The following ALG9 variants were observed in gnomAD, a reference collection of about 807,000 sequenced individuals.
ALG9 encodes the protein ALG9 alpha-1,2-mannosyltransferase, also known as alpha-1,2-mannosyltransferase ALG9.
ALG9 carries 55 observed loss-of-function variants against 81.8 expected under a neutral mutation model. The observed-to-expected ratio is 0.67, with a 90% CI of 0.54 to 0.84. ALG9 has a LOEUF of 0.84. Ranked by LOEUF, ALG9 falls within the 40% of genes least tolerant of loss-of-function variation. ALG9 has a pLI of 0.00. For missense variants in ALG9, 629 were observed against 745.0 expected, an observed-to-expected ratio of 0.84 and a Z score of 1.81; for synonymous variants, 278 against 274.3, an observed-to-expected ratio of 1.01 and a Z score of -0.13.
Position 111,838,155 on chromosome 11 carries a change from A to G in ALG9, c.1324+94T>C, listed in dbSNP as rs528370962. On this transcript the variant is annotated intron_variant, in intron 11 of 14. Coordinates refer to ENST00000616540, the MANE Select transcript of ALG9 (RefSeq NM_024740.2). ...CTCTTTTTAGAAATGGCTTCTTAGT[A>G]TAAGCCAAATATGTATTATATAATC... 6.7e-4 allele frequency: 1,010 copies of G among 1,498,476 alleles called. 1 individual carries two copies. Among genetic ancestry groups the G allele is most frequent in the Non-Finnish European group, 8.3e-4 (900 of 1,086,876 alleles). The allele number at this position is 1,498,476 out of a possible 1,614,324, so 92.8% of individuals were successfully genotyped here.
rs375782861 is a variant in ALG9, at chr11:111,792,346, TGGAA to T, written c.1734-5830_1734-5827del. Among the ~76,000 whole-genome samples the T allele has an allele frequency of 7.5e-3, 1,142 of 152,304 alleles. 18 individuals are homozygous for T. The highest frequency in any genetic ancestry group is 0.026 in the African/African-American group (1,091 of 41,554). ...TGCTGAAAAACAAATGTTGGATGGA[TGGAA>T]GGAAGGATGAATGGATGGACTGCTG... On this transcript the variant is annotated intron_variant, in intron 14 of 14. Coordinates refer to ENST00000616540, the MANE Select transcript of ALG9 (RefSeq NM_024740.2).
chr11:111,809,780 T>C lies in ALG9; in HGVS notation c.1603-7A>G, dbSNP rs1950442491. The C allele has an allele frequency of 1.2e-6, 2 of 1,613,870 alleles. No homozygotes were observed. The highest frequency in any genetic ancestry group is 1.7e-6 in the Non-Finnish European group (2 of 1,179,832). On this transcript the variant is annotated splice_polypyrimidine_tract_variant and splice_region_variant and intron_variant, in intron 13 of 14. Coordinates refer to ENST00000616540, the MANE Select transcript of ALG9 (RefSeq NM_024740.2). ...GGCATTTACTGATATCAATCTGAAA[T>C]GGAGAAAGGCCAACTCTTCATTAGT...
chr11:111,781,607 A>G (rs187836446), downstream of ALG9, among the ~76,000 whole-genome samples: 20 of 152,216 alleles, frequency 1.3e-4, no homozygotes, highest in East Asian at 3.7e-3. Flanking sequence ...TTTAGGTACA[A>G]TGTTCATGTA....
chr11:111,813,473 A>G (rs1169075175), intron 13 of ALG9, among the ~76,000 whole-genome samples: 1 of 152,128 alleles, frequency 6.6e-6, no homozygotes, highest in Non-Finnish European at 1.5e-5. Context: ...ATGGTGGTGC[A>G]CACCTGTGGT....
At chr11:111,808,472 C>A (rs1555087529) in intron 14 of ALG9, among the ~76,000 whole-genome samples, 1 of 152,238 alleles carries the variant, frequency 6.6e-6, no homozygotes, top group East Asian at 1.9e-4. Flanking sequence ...CTCAGAACAA[C>A]TGGATTCTTG....
intron 3 of ALG9, 117 bp from the exon 4 acceptor site, chr11:111,865,368 A>G: frequency 1.3e-6 from 1 of 771,784 alleles, no homozygotes; most frequent in South Asian, 1.8e-5. Context: ...AATTCTTTTG[A>G]AAAGCAACAT....
intron 2 of ALG9, 74 bp downstream of exon 2, chr11:111,870,158 T>C (rs1166343362): frequency 4.6e-5 from 69 of 1,486,720 alleles, no homozygotes; most frequent in Non-Finnish European, 5.4e-5. Context: ...TGTATATTAT[T>C]TGTCTCTCGA....
Position 111,786,289 on chromosome 11 carries a change from G to A in ALG9, c.*108C>T. On this transcript the variant is annotated 3_prime_UTR_variant, in exon 15 of 15. Transcript: ENST00000616540. ...AGAGCACCCAGATTCCAGTATTCATGTCAGAAGACCTTTATTACAAATGTT... is the reference window on the plus strand; with the variant it reads ...AGAGCACCCAGATTCCAGTATTCATATCAGAAGACCTTTATTACAAATGTT... 2 of 1,543,046 alleles carry A rather than the reference G, an allele frequency of 1.3e-6. No individual in the cohort carries two copies. Among genetic ancestry groups the A allele is most frequent in the East Asian group, 2.3e-5 (1 of 43,742 alleles).
At chr11:111,832,797 G>A (rs1425108506) in intron 13 of ALG9, among the ~76,000 whole-genome samples, 2 of 152,162 alleles carry the variant, frequency 1.3e-5, no homozygotes, top group Non-Finnish European at 2.9e-5. Context: ...TATAATCCCA[G>A]AGCTTTGAGA....
chr11:111,839,357 G>A (rs868965786), intron 10 of ALG9, among the ~76,000 whole-genome samples: 1 of 152,058 alleles, frequency 6.6e-6, no homozygotes, highest in Non-Finnish European at 1.5e-5. Context: ...AGGCCGAGAC[G>A]GGAGGATCAC....
At chr11:111,868,822 T>C in intron 2 of ALG9, 86 bp from the exon 3 acceptor site, 1 of 1,399,270 alleles carries the variant, frequency 7.1e-7, no homozygotes, top group Non-Finnish European at 9.5e-7. Context: ...TGAGCAGAAA[T>C]ATTAAAAACA....
At chr11:111,848,019 G>A (rs782624494) in intron 8 of ALG9, among the ~76,000 whole-genome samples, 7 of 152,168 alleles carry the variant, frequency 4.6e-5, no homozygotes, top group Non-Finnish European at 2.9e-5. Context: ...GTTTTGCTAA[G>A]GGTCTTGTTT....
At chr11:111,816,305 T>C (rs1401426282) in intron 13 of ALG9, among the ~76,000 whole-genome samples, 2 of 152,240 alleles carry the variant, frequency 1.3e-5, no homozygotes, top group African/African-American at 4.8e-5. Context: ...ATATAAGTCA[T>C]AACATGTCCT....
At chr11:111,826,133 C>T (rs1555108250) in intron 13 of ALG9, among the ~76,000 whole-genome samples, 4 of 148,928 alleles carry the variant, frequency 2.7e-5, no homozygotes, top group Non-Finnish European at 5.9e-5. Context: ...TGCCTGTAAT[C>T]CCAACACTTT....
chr11:111,783,942 A>T lies in ALG9; in HGVS notation c.*2455T>A, dbSNP rs1946200020. 1 of 138,662 alleles carries T rather than the reference A, an allele frequency of 7.2e-6. No individual in the cohort carries two copies. Among genetic ancestry groups the T allele is most frequent in the African/African-American group, 2.6e-5 (1 of 38,810 alleles). 8.6% of individuals were successfully genotyped at this position (138,662 alleles called of 1,614,324 possible). A position where few individuals can be genotyped will look rare whatever the true frequency, so the allele number is the denominator to read the frequency against. ...GTTTTTTTAAAAAAAAAAAAAAACA[A>T]GATGACAAAACAGATAAAACAGCAT... On this transcript the variant is annotated 3_prime_UTR_variant, in exon 15 of 15. Transcript: ENST00000616540.
At chr11:111,838,869 G>A (rs1274527686) in intron 10 of ALG9, among the ~76,000 whole-genome samples, 1 of 152,016 alleles carries the variant, frequency 6.6e-6, no homozygotes, top group Non-Finnish European at 1.5e-5. Context: ...ATTATATGCT[G>A]AATGACTTTA....
chr11:111,870,400 A>G, intron 1 of ALG9, 30 bp from the exon 2 acceptor site: 2 of 1,518,492 alleles, frequency 1.3e-6, no homozygotes, highest in Admixed American at 2.6e-5. Flanking sequence ...AAAAAAAAAA[A>G]AAAAGCATGT....
At position 111,810,282 on chromosome 11, in the gene ALG9, T is replaced by C. The variant is rs115136012; in HGVS notation, c.1603-509A>G. 1.6e-3 allele frequency among the ~76,000 whole-genome samples: 239 copies of C among 152,280 alleles called. No homozygotes were observed. The highest frequency in any genetic ancestry group is 5.5e-3 in the African/African-American group (228 of 41,556). ...ATATTCAATAGAATTTACAGAGACATTGGAACGGCTCCTGCAGCGAAAGTT... is the reference window on the plus strand; with the variant it reads ...ATATTCAATAGAATTTACAGAGACACTGGAACGGCTCCTGCAGCGAAAGTT... On this transcript the variant is annotated intron_variant, in intron 13 of 14. Coordinates refer to ENST00000616540, the MANE Select transcript of ALG9 (RefSeq NM_024740.2).
At chr11:111,795,260 T>G (rs1372914077) in intron 14 of ALG9, among the ~76,000 whole-genome samples, 1 of 152,204 alleles carries the variant, frequency 6.6e-6, no homozygotes, top group Non-Finnish European at 1.5e-5. Context: ...CTTACAATAT[T>G]CATCTTCCAC....
Sources: gnomAD v4.1 joint callset for allele counts (sites outside exome capture counted in the v4.1 genomes callset) on GRCh38, gnomAD v4.1.1 for gene constraint, MANE v1.5 for transcripts, NCBI Gene and HGNC (gene_info 2026-07-23, HGNC 2026-07-21) for gene names.